Variants in ZNF442 observed in about 807,000 individuals in gnomAD.
ZNF442 encodes zinc finger protein 442.
ZNF442 carries 45 observed loss-of-function variants against 57.0 expected under a neutral mutation model. The observed-to-expected ratio is 0.79, with a 90% CI of 0.62 to 1.01. The LOEUF is 1.01. Ranked by LOEUF, ZNF442 falls within the 50% of genes least tolerant of loss-of-function variation. ZNF442 has a pLI of 0.00. For missense variants in ZNF442, 690 were observed against 756.5 expected, an observed-to-expected ratio of 0.91 and a Z score of 1.03; for synonymous variants, 213 against 241.8, an observed-to-expected ratio of 0.88 and a Z score of 1.10.
At chr19:12,371,403 C>T in the ZNF442 span, among the ~76,000 whole-genome samples, 1 of 152,142 alleles carries the variant, frequency 6.6e-6, no homozygotes, top group Non-Finnish European at 1.5e-5. Flanking sequence ...ACATTAACTG[C>T]CTTTGGAGTA....
intron 3 of ZNF442, among the ~76,000 whole-genome samples, chr19:12,357,348 TC>T (rs1969347786): frequency 2.4e-5 from 3 of 125,986 alleles, no homozygotes; most frequent in African/African-American, 6.5e-5. Flanking sequence ...TCTTTTTCTT[TC>T]TTTTTTTTTT....
At chr19:12,355,020 G>A (rs758691812) in intron 3 of ZNF442, among the ~76,000 whole-genome samples, 4 of 152,026 alleles carry the variant, frequency 2.6e-5, no homozygotes, top group Non-Finnish European at 4.4e-5. Flanking sequence ...GGCCAGGAGC[G>A]GTGGCTCACG....
At position 12,363,972 on chromosome 19, in the gene ZNF442, T is replaced by C. The variant is rs552499518; in HGVS notation, c.-40-301A>G. Among the ~76,000 whole-genome samples the C allele has an allele frequency of 1.1e-3, 160 of 152,284 alleles. 5 individuals carry two copies. The highest frequency in any genetic ancestry group is 3.6e-3 in the African/African-American group (148 of 41,548). On this transcript the variant is annotated intron_variant, in intron 2 of 5. Coordinates refer to ENST00000242804, the MANE Select transcript of ZNF442 (RefSeq NM_030824.3). ...CCCATAAAGTTTCTAAAGGGGACTTTCAATGTTGATTAGGTATCCGTACCC... is the reference window on the plus strand; with the variant it reads ...CCCATAAAGTTTCTAAAGGGGACTTCCAATGTTGATTAGGTATCCGTACCC...
Position 12,349,641 on chromosome 19 carries a change from C to T in ZNF442, c.*60G>A. The T allele has an allele frequency of 6.6e-7, 1 of 1,505,610 alleles. No individual in the cohort carries two copies. The highest frequency in any genetic ancestry group is 9.0e-7 in the Non-Finnish European group (1 of 1,116,778). 93.3% of individuals were successfully genotyped at this position (1,505,610 alleles called of 1,614,324 possible). A position where few individuals can be genotyped will look rare whatever the true frequency, so the allele number is the denominator to read the frequency against. On this transcript the variant is annotated 3_prime_UTR_variant, in exon 6 of 6. Coordinates refer to ENST00000242804, the MANE Select transcript of ZNF442 (RefSeq NM_030824.3). Reference sequence around the variant, plus strand: ...GTGTTTGCATTCATGAGGCTTATCTCCTATGTGATTTCTTTCACGTTTCTG... The same window carrying T: ...GTGTTTGCATTCATGAGGCTTATCTTCTATGTGATTTCTTTCACGTTTCTG...
intron 3 of ZNF442, among the ~76,000 whole-genome samples, chr19:12,354,025 C>G (rs1490549201): frequency 6.6e-6 from 1 of 152,144 alleles, no homozygotes; most frequent in Non-Finnish European, 1.5e-5. Context: ...GCCTCCAGAA[C>G]CACAAAATAT....
chr19:12,365,513 G>A lies in ZNF442; in HGVS notation c.-483+20C>T. 1.8e-6 allele frequency: 1 copy of A among 561,040 alleles called. No individual in the cohort carries two copies. Among genetic ancestry groups the A allele is most frequent in the Admixed American group, 2.8e-5 (1 of 36,018 alleles). 34.8% of individuals were successfully genotyped at this position (561,040 alleles called of 1,614,324 possible). A position where few individuals can be genotyped will look rare whatever the true frequency, so the allele number is the denominator to read the frequency against. ...CCAGTCCTTCGCCCTGCCCCAGGAC[G>A]CCGGGCCCCGCACACTCACCATTTC... On this transcript the variant is annotated intron_variant, in intron 1 of 5. Transcript: ENST00000242804.
chr19:12,349,628 A>G lies in ZNF442; in HGVS notation c.*73T>C. The stretch of plus-strand genomic sequence containing the variant: ...AAGGCTTTACCATGTGTTTGCATTC[A>G]TGAGGCTTATCTCCTATGTGATTTC... On this transcript the variant is annotated 3_prime_UTR_variant, in exon 6 of 6. Coordinates refer to ENST00000242804, the MANE Select transcript of ZNF442 (RefSeq NM_030824.3). 1.4e-6 allele frequency: 2 copies of G among 1,448,928 alleles called. No homozygotes were observed. Among genetic ancestry groups the G allele is most frequent in the East Asian group, 2.3e-5 (1 of 43,972 alleles). The allele number at this position is 1,448,928 out of a possible 1,614,324, so 89.8% of individuals were successfully genotyped here. A position where few individuals can be genotyped will look rare whatever the true frequency, so the allele number is the denominator to read the frequency against.
rs1274835367 is a variant in ZNF442, at chr19:12,346,828, A to G, written c.*2873T>C. ...TAAACCTTGAAAACGTTCTAAGTGA[A>G]ATAAGCCAGACATGGAAGGACACAT... On this transcript the variant is annotated 3_prime_UTR_variant, in exon 6 of 6. Coordinates refer to ENST00000242804, the MANE Select transcript of ZNF442 (RefSeq NM_030824.3). 1 of 152,258 alleles carries G rather than the reference A, an allele frequency of 6.6e-6. No individual in the cohort carries two copies. Among genetic ancestry groups the G allele is most frequent in the Non-Finnish European group, 1.5e-5 (1 of 68,042 alleles). The allele number at this position is 152,258 out of a possible 1,614,324, so 9.4% of individuals were successfully genotyped here. A position where few individuals can be genotyped will look rare whatever the true frequency, so the allele number is the denominator to read the frequency against.
At chr19:12,361,466 A>G (rs540718907) in intron 3 of ZNF442, among the ~76,000 whole-genome samples, 2 of 152,350 alleles carry the variant, frequency 1.3e-5, no homozygotes, top group East Asian at 3.9e-4. Context: ...TTATAATTCA[A>G]TCAAATAAGT....
chr19:12,349,577 A>G lies in ZNF442; in HGVS notation c.*124T>C, dbSNP rs1442225734. 6 of 977,118 alleles carry G rather than the reference A, an allele frequency of 6.1e-6. No individual in the cohort carries two copies. The highest frequency in any genetic ancestry group is 1.5e-6 in the Non-Finnish European group (1 of 677,038). The allele number at this position is 977,118 out of a possible 1,614,324, so 60.5% of individuals were successfully genotyped here. On this transcript the variant is annotated 3_prime_UTR_variant, in exon 6 of 6. Coordinates refer to ENST00000242804, the MANE Select transcript of ZNF442 (RefSeq NM_030824.3). ...CCAATCCCCTGCATATGGTTAGGGG[A>G]TAACCATATTCAAAAGAAACATCTT...
intron 3 of ZNF442, among the ~76,000 whole-genome samples, chr19:12,355,813 C>A (rs1289875392): frequency 6.6e-6 from 1 of 151,820 alleles, no homozygotes. Context: ...AGAAAAAATA[C>A]AAAAATTTGT....
chr19:12,346,586 G>C lies in ZNF442; in HGVS notation c.*3115C>G, dbSNP rs570049925. ...CTGTGAACCAGCAATTACACTCCTA[G>C]GGATACATATATCCAAAAGAATTGA... On this transcript the variant is annotated 3_prime_UTR_variant, in exon 6 of 6. Coordinates refer to ENST00000242804, the MANE Select transcript of ZNF442 (RefSeq NM_030824.3). 2.0e-5 allele frequency: 3 copies of C among 152,230 alleles called. No individual in the cohort carries two copies. Among genetic ancestry groups the C allele is most frequent in the East Asian group, 1.9e-4 (1 of 5,184 alleles). 9.4% of individuals were successfully genotyped at this position (152,230 alleles called of 1,614,324 possible). A position where few individuals can be genotyped will look rare whatever the true frequency, so the allele number is the denominator to read the frequency against.
chr19:12,363,079 A>C (rs1450386107), intron 3 of ZNF442, among the ~76,000 whole-genome samples: 1 of 151,074 alleles, frequency 6.6e-6, no homozygotes, highest in Non-Finnish European at 1.5e-5. Flanking sequence ...GGATCGTTTG[A>C]ACCCAGAAGG....
Position 12,349,940 on chromosome 19 carries a change from A to C in ZNF442, c.1645T>G (p.Cys549Gly). Residue 549 changes from cysteine (C) to glycine (G), a missense_variant, in exon 6 of 6, where the codon TGC becomes GGC. Cys to Gly is a radical substitution (Grantham distance 159). Transcript: ENST00000242804. ...GTGAGCCAAGAGAATGCTTTCCTGC[A>C]TTCCTTACATTCATATGGCTTCTCT... ...TGEKPYECKECRKAFSWLTCL... is the reference protein window; with the variant it reads ...TGEKPYECKEGRKAFSWLTCL... 5 of 1,614,202 alleles carry C rather than the reference A, an allele frequency of 3.1e-6. No homozygotes were observed. The highest frequency in any genetic ancestry group is 4.2e-6 in the Non-Finnish European group (5 of 1,180,008).
upstream of ZNF442, among the ~76,000 whole-genome samples, chr19:12,368,262 A>T (rs1279706452): frequency 6.6e-6 from 1 of 152,214 alleles, no homozygotes; most frequent in East Asian, 1.9e-4. Flanking sequence ...TTAGCTTACG[A>T]AGATAACAGG....
At chr19:12,368,239 G>A (rs1367395512), upstream of ZNF442, among the ~76,000 whole-genome samples, 3 of 152,122 alleles carry the variant, frequency 2.0e-5, no homozygotes, top group African/African-American at 7.2e-5. Context: ...GGGTCCTGAG[G>A]TGACATACAT....
chr19:12,365,760 T>G, upstream of ZNF442: 3 of 164,920 alleles, frequency 1.8e-5, no homozygotes, highest in Non-Finnish European at 2.5e-5. Context: ...GAGCTCCAAA[T>G]TCCGCCCCCC....
At chr19:12,352,159 A>C in intron 4 of ZNF442, 89 bp from the exon 5 acceptor site, 3 of 1,238,892 alleles carry the variant, frequency 2.4e-6, no homozygotes, top group Non-Finnish European at 3.4e-6. Flanking sequence ...ATCATGCATG[A>C]TTCATTCACT....
chr19:12,361,677 CCCCTCT>C (rs1969428175), intron 3 of ZNF442, among the ~76,000 whole-genome samples: 1 of 148,968 alleles, frequency 6.7e-6, no homozygotes, highest in Non-Finnish European at 1.5e-5. Context: ...CCTCCCCCTC[CCCCTCT>C]GCCTCCCCCT....
Sources: gnomAD v4.1 joint callset for allele counts (sites outside exome capture counted in the v4.1 genomes callset) on GRCh38, gnomAD v4.1.1 for gene constraint, MANE v1.5 for transcripts, NCBI Gene and HGNC (gene_info 2026-07-23, HGNC 2026-07-21) for gene names.